Variants in ODF2L observed in about 807,000 individuals in gnomAD.
The protein encoded by ODF2L is outer dense fiber of sperm tails 2 like.
Under a neutral mutation model 86.3 loss-of-function variants are expected in ODF2L, and 76 were observed. The ratio of observed to expected loss-of-function variants is 0.88; its 90% CI spans 0.73 to 1.07. The LOEUF (loss-of-function observed/expected upper bound fraction) is 1.07, where lower values mean the gene tolerates loss of function less well. Ranked by LOEUF, ODF2L falls within the 50% of genes least tolerant of loss-of-function variation. ODF2L has a pLI of 0.00. For synonymous variants in ODF2L, 241 were observed against 231.3 expected, an observed-to-expected ratio of 1.04 and a Z score of -0.38; for missense variants, 748 against 717.4, an observed-to-expected ratio of 1.04 and a Z score of -0.49.
Position 86,382,359 on chromosome 1 carries a change from C to G in ODF2L, c.508-1G>C, listed in dbSNP as rs1050118514. On this transcript the variant is annotated splice_acceptor_variant, in intron 6 of 17. Transcript: ENST00000317336. LOFTEE classifies it high-confidence loss of function. ...AACGGTTTGCTTTCAAAGTATTTGC[C>G]TGTAACAAAGAGAAAGAGAAAACCA... The G allele has an allele frequency of 1.2e-6, 2 of 1,610,032 alleles. No homozygotes were observed. The highest frequency in any genetic ancestry group is 1.3e-5 in the African/African-American group (1 of 74,718).
intron 10 of ODF2L, among the ~76,000 whole-genome samples, chr1:86,370,434 T>G (rs1373739131): frequency 6.6e-6 from 1 of 152,218 alleles, no homozygotes; most frequent in African/African-American, 2.4e-5. Flanking sequence ...TTCATGGTTT[T>G]AAAAGGTTCT....
intron 2 of ODF2L, 154 bp downstream of exon 2, chr1:86,386,761 A>G: frequency 2.1e-6 from 1 of 471,300 alleles, no homozygotes. Context: ...GTACACTTGT[A>G]ATCAGATTAA....
chr1:86,356,523 T>G lies in ODF2L; in HGVS notation c.1439A>C (p.His480Pro). Residue 480 changes from histidine to proline, a missense_variant, in exon 14 of 18, where the codon CAC becomes CCC. By Grantham distance (77) the His-to-Pro change is moderately conservative (BLOSUM62 -2). Coordinates refer to ENST00000317336, the Ensembl canonical transcript of ODF2L. Reference sequence around the variant, plus strand: ...GCACTGCAGACTCTCCTGACACTCGTGAAGCCTCCGTTCCGCCGCCGTCAA... The same window carrying G: ...GCACTGCAGACTCTCCTGACACTCGGGAAGCCTCCGTTCCGCCGCCGTCAA... 6.2e-7 allele frequency: 1 copy of G among 1,614,064 alleles called. No individual in the cohort carries two copies. The highest frequency in any genetic ancestry group is 8.5e-7 in the Non-Finnish European group (1 of 1,179,948).
At chr1:86,389,452 AACAG>A (rs1357000169) in intron 1 of ODF2L, among the ~76,000 whole-genome samples, 1 of 152,168 alleles carries the variant, frequency 6.6e-6, no homozygotes, top group African/African-American at 2.4e-5. Context: ...AAAGAACACA[AACAG>A]ACAATGTAAG....
At position 86,354,514 on chromosome 1, in the gene ODF2L, T is replaced by C; in HGVS notation, c.1767+16A>G. 1 of 1,532,832 alleles carries C rather than the reference T, an allele frequency of 6.5e-7. No individual in the cohort carries two copies. The allele number at this position is 1,532,832 out of a possible 1,614,324, so 95.0% of individuals were successfully genotyped here. On this transcript the variant is annotated intron_variant, in intron 16 of 17. Transcript: ENST00000317336. Reference sequence around the variant, plus strand: ...GTAAATGAATTAAAAAGTTTCTAAATAAAGGCCATGCATACCTTTTGTCTT... The same window carrying C: ...GTAAATGAATTAAAAAGTTTCTAAACAAAGGCCATGCATACCTTTTGTCTT...
chr1:86,367,167 T>C (rs1299562041), intron 11 of ODF2L, among the ~76,000 whole-genome samples: 2 of 152,140 alleles, frequency 1.3e-5, no homozygotes, highest in Middle Eastern at 6.3e-3. Context: ...TGGAAAACCA[T>C]GGAGCAAAGC....
chr1:86,393,856 T>G (rs1661507824), intron 1 of ODF2L, among the ~76,000 whole-genome samples: 1 of 152,196 alleles, frequency 6.6e-6, no homozygotes, highest in African/African-American at 2.4e-5. Context: ...GAGCATAGAT[T>G]AGGTTCTCAA....
rs1169894890 is a variant in ODF2L, at chr1:86,354,670, CT to C, written c.1626del (p.Glu543LysfsTer41). ...AGCTTCTTCTCAAGCTCTTTATTTT[CT>C]GCGTCCATCTGTTCTAATTTTCTTT... On this transcript the variant is annotated frameshift_variant, in exon 16 of 18. Coordinates refer to ENST00000317336, the Ensembl canonical transcript of ODF2L. LOFTEE classifies it high-confidence loss of function. 1 of 1,609,750 alleles carries C rather than the reference CT, an allele frequency of 6.2e-7. No individual in the cohort carries two copies. Among genetic ancestry groups the C allele is most frequent in the Non-Finnish European group, 8.5e-7 (1 of 1,177,962 alleles).
At chr1:86,349,973 G>T (rs1658013018), downstream of ODF2L, 1 of 177,652 alleles carries the variant, frequency 5.6e-6, no homozygotes, top group African/African-American at 2.4e-5. Flanking sequence ...AATAAATACT[G>T]CCCACTTAAC....
At chr1:86,352,583 T>C (rs928999807) in intron 17 of ODF2L, among the ~76,000 whole-genome samples, 12 of 152,120 alleles carry the variant, frequency 7.9e-5, no homozygotes, top group Non-Finnish European at 1.3e-4. Flanking sequence ...GTAGATTATA[T>C]CTGTAATTTT....
chr1:86,381,346 C>T (rs1660572231), intron 7 of ODF2L, among the ~76,000 whole-genome samples: 1 of 152,092 alleles, frequency 6.6e-6, no homozygotes, highest in African/African-American at 2.4e-5. Context: ...TGACAGACCA[C>T]TGCAATACCA....
intron 1 of ODF2L, among the ~76,000 whole-genome samples, chr1:86,394,351 C>T (rs577847094): frequency 6.0e-5 from 9 of 149,430 alleles, no homozygotes; most frequent in Non-Finnish European, 1.2e-4. Flanking sequence ...GGGAGGCGGA[C>T]GTTGCAGTGA....
At chr1:86,348,620 T>C, downstream of ODF2L, 3 of 810,364 alleles carry the variant, frequency 3.7e-6, no homozygotes, top group Non-Finnish European at 3.3e-6. Context: ...CAAAAATCTT[T>C]ACATAAAAAC....
At chr1:86,394,852 T>TTC (rs1347889347) in intron 1 of ODF2L, among the ~76,000 whole-genome samples, 2 of 148,386 alleles carry the variant, frequency 1.3e-5, no homozygotes, top group Non-Finnish European at 3.0e-5. Flanking sequence ...TTTTTTTTTT[T>TTC]TTTTTTGAGA....
chr1:86,369,955 C>G (rs1010944513), intron 10 of ODF2L, among the ~76,000 whole-genome samples: 1 of 152,000 alleles, frequency 6.6e-6, no homozygotes, highest in Admixed American at 6.6e-5. Context: ...AAATAATTTC[C>G]TTTGGTGATG....
intron 3 of ODF2L, 44 bp from the exon 4 acceptor site, chr1:86,384,845 T>C (rs1045851208): frequency 1.4e-6 from 2 of 1,414,020 alleles, no homozygotes; most frequent in South Asian, 1.6e-5. Context: ...AGACACAGCA[T>C]TAAATAAAAC....
At chr1:86,376,318 A>G in exon 8 of ODF2L, 1 of 1,612,374 alleles carries the variant, frequency 6.2e-7, no homozygotes, top group Non-Finnish European at 8.5e-7. Context: ...TGCCTTTTTT[A>G]AAGCTACAGT....
In ODF2L at chr1:86,383,111, AAAGT is replaced by A. The variant is rs772518825; in HGVS notation, c.435+19_435+22del. 2 of 1,479,546 alleles carry A rather than the reference AAAGT, an allele frequency of 1.4e-6. No homozygotes were observed. Among genetic ancestry groups the A allele is most frequent in the Non-Finnish European group, 1.9e-6 (2 of 1,064,946 alleles). 91.7% of individuals were successfully genotyped at this position (1,479,546 alleles called of 1,614,324 possible). ...TAACAATGACAGGAAGAATGGACAC[AAAGT>A]AAGTGTGGAAAGACTTACAGTATTT... On this transcript the variant is annotated intron_variant, in intron 5 of 17. Transcript: ENST00000317336.
rs953793172 is a variant in ODF2L at position 86,356,296 on chromosome 1, T to C, written c.1518+148A>G. On this transcript the variant is annotated intron_variant, in intron 14 of 17. Transcript: ENST00000317336. ...AAAAGAATAGCTTGCAAAACTGTAT[T>C]ATAGTATCTGCATGAAAATGATGTT... 8.9e-6 allele frequency: 5 copies of C among 560,824 alleles called. No individual in the cohort carries two copies. The Admixed American group carries it at 1.7e-4, about 19-fold the overall frequency. 34.7% of individuals were successfully genotyped at this position (560,824 alleles called of 1,614,324 possible).
Sources: gnomAD v4.1 joint callset for allele counts (sites outside exome capture counted in the v4.1 genomes callset) on GRCh38, gnomAD v4.1.1 for gene constraint, MANE v1.5 for transcripts, NCBI Gene and HGNC (gene_info 2026-07-23, HGNC 2026-07-21) for gene names.